The following MACF1 variants were observed in gnomAD, a reference collection of about 807,000 sequenced individuals.
MACF1 encodes microtubule actin crosslinking factor 1.
MACF1 carries 193 observed loss-of-function variants against 854.8 expected under a neutral mutation model. The ratio of observed to expected loss-of-function variants is 0.23; its 90% CI spans 0.20 to 0.25. The LOEUF is 0.25. MACF1 is among the 10% of genes least tolerant of loss of function. MACF1 has a pLI of 1.00. For synonymous variants in MACF1, 3,185 were observed against 3,226.7 expected, an observed-to-expected ratio of 0.99 and a Z score of 0.44; for missense variants, 7,722 against 8,929.1, an observed-to-expected ratio of 0.86 and a Z score of 5.45.
At chr1:39,094,618 T>C (rs1217442983) in intron 2 of MACF1, among the ~76,000 whole-genome samples, 1 of 151,258 alleles carries the variant, frequency 6.6e-6, no homozygotes, top group East Asian at 2.0e-4. Flanking sequence ...CTCGGGAGGC[T>C]GAGGCAGGAG....
At chr1:39,146,514 A>G (rs543914668) in intron 2 of MACF1, among the ~76,000 whole-genome samples, 1 of 152,282 alleles carries the variant, frequency 6.6e-6, no homozygotes, top group African/African-American at 2.4e-5. Context: ...CTAGTCGGCC[A>G]TAAAAAAGAA....
At chr1:39,353,380 C>T (rs1253685622) in intron 44 of MACF1, 149 bp downstream of exon 44, 1 of 586,240 alleles carries the variant, frequency 1.7e-6, no homozygotes, top group African/African-American at 1.9e-5. Flanking sequence ...GTTGGCCACT[C>T]CTCTTGAAAT....
chr1:39,413,725 G>A, intron 58 of MACF1: 1 of 1,603,734 alleles, frequency 6.2e-7, no homozygotes, highest in Non-Finnish European at 8.5e-7. Context: ...GCCCACCCCA[G>A]AGGAATCCGC....
At chr1:39,329,261 A>T (rs1030337076) in intron 36 of MACF1, among the ~76,000 whole-genome samples, 1 of 152,232 alleles carries the variant, frequency 6.6e-6, no homozygotes, top group African/African-American at 2.4e-5. Flanking sequence ...CATATGTAGA[A>T]ATGGAGATGA....
chr1:39,295,731 T>C (rs1303494562), intron 19 of MACF1, 56 bp from the exon 20 acceptor site: 2 of 1,259,414 alleles, frequency 1.6e-6, no homozygotes, highest in Non-Finnish European at 1.1e-6. Context: ...GTATTGCGCA[T>C]ATATATTGAG....
In MACF1 at chr1:39,106,062, A is replaced by G. The variant is rs186423302; in HGVS notation, c.220+21624A>G. On this transcript the variant is annotated intron_variant, in intron 2 of 93. Coordinates refer to the MACF1 transcript ENST00000361689. ...AGGAGGAGGAGTTGGGCGCGGGAGA[A>G]ACCACCCGCTCTGCTCTGGGTGCGA... Among the ~76,000 whole-genome samples the G allele has an allele frequency of 1.0e-3, 156 of 151,894 alleles. 1 individual carries two copies. The highest frequency in any genetic ancestry group is 3.4e-3 in the Middle Eastern group (1 of 294).
At chr1:39,149,409 A>G (rs986403840) in intron 2 of MACF1, among the ~76,000 whole-genome samples, 24 of 151,862 alleles carry the variant, frequency 1.6e-4, no homozygotes, top group African/African-American at 5.8e-4. Context: ...TGTAATCCCA[A>G]CTACTCGGGA....
rs1183719996 is a variant in MACF1 at position 39,468,730 on chromosome 1, G to A, written c.21887G>A (p.Arg7296Gln). Residue 7296 changes from arginine (R) to glutamine (Q), a missense_variant and splice_region_variant, in exon 96 of 101, where the codon CGA becomes CAA. Coordinates refer to ENST00000564288, the MANE Select transcript of MACF1 (RefSeq NM_001394062.1). ...TTTTTAGTGAAAAATGATCCCTGCC[G>A]AGGTAAGGAACCATTCTAAGCATGA... Reference protein sequence around the residue: ...DEFLVKNDPCRVHHPGSKIKR... With the variant: ...DEFLVKNDPCQVHHPGSKIKR... 1 of 1,613,084 alleles carries A rather than the reference G, an allele frequency of 6.2e-7. No individual in the cohort carries two copies. The highest frequency in any genetic ancestry group is 2.2e-5 in the East Asian group (1 of 44,864).
rs1200408396 is a variant in MACF1, at chr1:39,387,229, A to G, written c.14387A>G (p.Gln4796Arg). ...CTCCAGGCAGCTCTTGCCAGCACCC[A>G]GCAGTTCCAGCAAATGTTTGATGAG... ...NRLQAALAST[Q>R]QFQQMFDELR... The change falls in exon 58 of 101, where the codon CAG becomes CGG. Residue 4796 changes from glutamine to arginine, a missense_variant. By Grantham distance (43) the Gln-to-Arg change is conservative. Transcript: ENST00000564288. 1 of 1,614,094 alleles carries G rather than the reference A, an allele frequency of 6.2e-7. No homozygotes were observed. Among genetic ancestry groups the G allele is most frequent in the Admixed American group, 1.7e-5 (1 of 60,006 alleles).
At chr1:39,220,776 C>T (rs1206159394) in intron 1 of MACF1, among the ~76,000 whole-genome samples, 1 of 152,100 alleles carries the variant, frequency 6.6e-6, no homozygotes, top group Non-Finnish European at 1.5e-5. Context: ...TGAGCCACTG[C>T]CCCTGGCTGG....
rs867226589 is a variant in MACF1 at position 39,420,378 on chromosome 1, A to G, written c.15817-1996A>G. On this transcript the variant is annotated intron_variant, in intron 58 of 100. Transcript: ENST00000564288. Reference sequence around the variant, plus strand: ...AACTTGGGATGTTTTTCCTGCCTCTATCTGATTTTTCTTCAGCAGAAACAT... The same window carrying G: ...AACTTGGGATGTTTTTCCTGCCTCTGTCTGATTTTTCTTCAGCAGAAACAT... Among the ~76,000 whole-genome samples the G allele has an allele frequency of 7.4e-4, 113 of 152,252 alleles. 1 individual carries two copies. Among genetic ancestry groups the G allele is most frequent in the African/African-American group, 2.7e-3 (112 of 41,560 alleles).
upstream of MACF1, among the ~76,000 whole-genome samples, chr1:39,200,807 G>T (rs1644381207): frequency 6.6e-6 from 1 of 151,978 alleles, no homozygotes; most frequent in African/African-American, 2.4e-5. Flanking sequence ...GGGCATGGTG[G>T]CTCAAGCCTG....
intron 2 of MACF1, among the ~76,000 whole-genome samples, chr1:39,183,642 A>G (rs1644131730): frequency 1.3e-5 from 2 of 152,150 alleles, no homozygotes. Flanking sequence ...AGCATTTCCA[A>G]GTTTTAAGTG....
chr1:39,182,738 A>G (rs1644121455), intron 2 of MACF1, among the ~76,000 whole-genome samples: 1 of 152,220 alleles, frequency 6.6e-6, no homozygotes, highest in South Asian at 2.1e-4. Context: ...CACCCCCAAC[A>G]TTGCTGGTGG....
chr1:39,460,573 TGGG>T lies in MACF1; in HGVS notation c.21361-58_21361-56del, dbSNP rs1644535044. On this transcript the variant is annotated intron_variant, in intron 91 of 100. Coordinates refer to ENST00000564288, the MANE Select transcript of MACF1 (RefSeq NM_001394062.1). This position sits in a 1 kb window ranked among gnomAD's most constrained non-coding sequence, Gnocchi z 4.1. Reference sequence around the variant, plus strand: ...AATGTCTGAAAGTTTGGGTATGCTCTGGGCAGCTTTTGAGGGCCCAAAAAATAA... The same window carrying T: ...AATGTCTGAAAGTTTGGGTATGCTCTCAGCTTTTGAGGGCCCAAAAAATAA... The T allele has an allele frequency of 1.3e-6, 2 of 1,506,648 alleles. No homozygotes were observed. The highest frequency in any genetic ancestry group is 1.8e-6 in the Non-Finnish European group (2 of 1,085,148). 93.3% of individuals were successfully genotyped at this position (1,506,648 alleles called of 1,614,324 possible).
At chr1:39,256,669 C>CCGTTCCCA (rs1157452400) in intron 5 of MACF1, among the ~76,000 whole-genome samples, 2 of 152,260 alleles carry the variant, frequency 1.3e-5, no homozygotes, top group African/African-American at 4.8e-5. Context: ...GGAAATTCCT[C>CCGTTCCCA]CGTTCCCAGC....
intron 6 of MACF1, among the ~76,000 whole-genome samples, chr1:39,266,594 C>CTTT (rs11406070): frequency 0.016 from 943 of 58,108 alleles, 122 homozygotes; most frequent in African/African-American, 0.056. Context: ...TGGTCTTTTC[C>CTTT]TTTTTTTTTT....
chr1:39,439,284 T>C lies in MACF1; in HGVS notation c.18231T>C (p.Asp6077=). ...TTTTAACCTCCTCAGAAATCCAGGATAAATTGGATCAAATGGTATTCTTCT... is the reference window on the plus strand; with the variant it reads ...TTTTAACCTCCTCAGAAATCCAGGACAAATTGGATCAAATGGTATTCTTCT... ...DKDLAAKEIQ[D]KLDQMVFFWE... is the part of the protein sequence containing the mutation. Residue 6077 remains aspartate, a synonymous_variant, in exon 72 of 101, where the codon GAT becomes GAC. Transcript: ENST00000564288. 1 of 1,609,482 alleles carries C rather than the reference T, an allele frequency of 6.2e-7. No individual in the cohort carries two copies. Among genetic ancestry groups the C allele is most frequent in the Non-Finnish European group, 8.5e-7 (1 of 1,175,892 alleles).
intron 2 of MACF1, among the ~76,000 whole-genome samples, chr1:39,241,666 A>T (rs1160971477): frequency 6.6e-6 from 1 of 150,954 alleles, no homozygotes; most frequent in South Asian, 2.1e-4. Flanking sequence ...TCTCAAAAAA[A>T]AAAAAAAAAA....
Sources: gnomAD v4.1 joint callset for allele counts (sites outside exome capture counted in the v4.1 genomes callset) on GRCh38, gnomAD v4.1.1 for gene constraint, Gnocchi (gnomAD v3.1) non-coding constraint, MANE v1.5 for transcripts, NCBI Gene and HGNC (gene_info 2026-07-23, HGNC 2026-07-21) for gene names.